KALRN: variants seen among roughly 807,000 people sequenced by gnomAD.
KALRN encodes the protein kalirin RhoGEF kinase.
A neutral mutation model predicts 353.7 loss-of-function variants in KALRN; 70 were observed. The ratio of observed to expected loss-of-function variants is 0.20; its 90% CI spans 0.16 to 0.24. The LOEUF (loss-of-function observed/expected upper bound fraction) is 0.24, where lower values mean the gene tolerates loss of function less well. KALRN is among the 10% of genes least tolerant of loss of function. KALRN has a pLI of 1.00. For synonymous variants in KALRN, 1,391 were observed against 1,434.8 expected, an observed-to-expected ratio of 0.97 and a Z score of 0.69; for missense variants, 2,791 against 3,756.7, an observed-to-expected ratio of 0.74 and a Z score of 6.72.
chr3:124,434,254 A>G (rs1268055114), intron 16 of KALRN, 53 bp from the exon 17 acceptor site: 4 of 1,468,734 alleles, frequency 2.7e-6, no homozygotes, highest in Admixed American at 1.7e-5. Context: ...ACCCCCTCCC[A>G]TACCACGCCT....
chr3:124,649,714 G>A (rs1016715965), intron 37 of KALRN, among the ~76,000 whole-genome samples: 11 of 151,978 alleles, frequency 7.2e-5, no homozygotes, highest in Admixed American at 7.2e-4. Flanking sequence ...CTTGAGCCTA[G>A]GAGGTCAAGG....
intron 1 of KALRN, among the ~76,000 whole-genome samples, chr3:124,128,157 A>G (rs1360429083): frequency 1.3e-5 from 2 of 152,142 alleles, no homozygotes; most frequent in African/African-American, 4.8e-5. Flanking sequence ...CCAACTCCCC[A>G]CCCTCAAGAA....
chr3:124,578,082 A>G (rs1561327208), intron 34 of KALRN, among the ~76,000 whole-genome samples: 1 of 152,226 alleles, frequency 6.6e-6, no homozygotes, highest in Non-Finnish European at 1.5e-5. Flanking sequence ...TCCACAGAAA[A>G]TTAAACCAAC....
chr3:124,376,831 G>A (rs1365293558), intron 10 of KALRN, among the ~76,000 whole-genome samples: 1 of 152,060 alleles, frequency 6.6e-6, no homozygotes, highest in Non-Finnish European at 1.5e-5. Flanking sequence ...GAATAGTTGA[G>A]ATAGAAAAGA....
chr3:124,440,596 T>G lies in KALRN; in HGVS notation c.3199-1349T>G, dbSNP rs139714755. The stretch of plus-strand genomic sequence containing the variant: ...TTATATAACCAGAAAATTATAAAAT[T>G]TTATAATTGTTTCTATTAATTATAT... On this transcript the variant is annotated intron_variant, in intron 18 of 59. Coordinates refer to ENST00000682506, the MANE Select transcript of KALRN (RefSeq NM_001388419.1). Among the ~76,000 whole-genome samples, 1,016 of 151,042 alleles carry G rather than the reference T, an allele frequency of 6.7e-3. 7 individuals are homozygous for G. The highest frequency in any genetic ancestry group is 0.027 in the Middle Eastern group (8 of 294).
intron 10 of KALRN, among the ~76,000 whole-genome samples, chr3:124,356,581 C>A (rs1055083180): frequency 6.6e-6 from 1 of 152,070 alleles, no homozygotes; most frequent in African/African-American, 2.4e-5. Context: ...TGATTGCCCA[C>A]CTTGGCCTCC....
chr3:124,285,711 T>A (rs990941471), intron 5 of KALRN, among the ~76,000 whole-genome samples: 1 of 152,116 alleles, frequency 6.6e-6, no homozygotes, highest in Non-Finnish European at 1.5e-5. Context: ...AATTTTTGTA[T>A]TTTTAGTAGA....
chr3:124,342,615 T>C (rs949096315), intron 9 of KALRN, among the ~76,000 whole-genome samples: 2 of 152,238 alleles, frequency 1.3e-5, no homozygotes, highest in Non-Finnish European at 2.9e-5. Flanking sequence ...TATTCCGTTT[T>C]ATTATTGGGA....
rs1182245356 is a variant in KALRN at position 124,062,061 on chromosome 3, A to G, written c.73+28248A>G. ...CCCTCCTTGCTGAATCACAATCTGC[A>G]TATTAAAAAAAGCCTCAGGCAATTT... On this transcript the variant is annotated intron_variant, in intron 1 of 59. Coordinates refer to ENST00000682506, the MANE Select transcript of KALRN (RefSeq NM_001388419.1). 2.6e-5 allele frequency among the ~76,000 whole-genome samples: 4 copies of G among 152,194 alleles called. No homozygotes were observed. The East Asian group carries it at 7.7e-4, about 29-fold the overall frequency.
intron 33 of KALRN, among the ~76,000 whole-genome samples, chr3:124,529,659 A>C (rs917829619): frequency 9.2e-5 from 14 of 152,136 alleles, no homozygotes; most frequent in African/African-American, 3.4e-4. Flanking sequence ...GGTCACTGAC[A>C]ATTCAAATAA....
chr3:124,346,181 A>G (rs1352728770), intron 9 of KALRN, among the ~76,000 whole-genome samples: 3 of 152,174 alleles, frequency 2.0e-5, no homozygotes, highest in Non-Finnish European at 4.4e-5. Context: ...AGATCAAAAG[A>G]TGATCTCTGG....
At chr3:124,083,673 T>G (rs2060655878) in intron 1 of KALRN, among the ~76,000 whole-genome samples, 1 of 152,230 alleles carries the variant, frequency 6.6e-6, no homozygotes. Flanking sequence ...CTTACACAAC[T>G]GTTAGAATTG....
At chr3:124,038,501 T>C (rs1165024308) in intron 1 of KALRN, among the ~76,000 whole-genome samples, 1 of 151,898 alleles carries the variant, frequency 6.6e-6, no homozygotes, top group Non-Finnish European at 1.5e-5. Flanking sequence ...CTAGAACGAG[T>C]GTAGAGTTTG....
chr3:124,594,697 TC>T (rs2076109903), intron 34 of KALRN, among the ~76,000 whole-genome samples: 1 of 152,190 alleles, frequency 6.6e-6, no homozygotes. Context: ...ACAGACTAAT[TC>T]TTGTCCTGGG....
Position 124,446,150 on chromosome 3 carries a change from T to G in KALRN, c.3314-11T>G. ...CCCCTTGTGACCATCATGCATCTCC[T>G]CTGCCCACAGCCATCCTGAGTGAGC... On this transcript the variant is annotated splice_polypyrimidine_tract_variant and intron_variant, in intron 19 of 59. Coordinates refer to ENST00000682506, the MANE Select transcript of KALRN (RefSeq NM_001388419.1). 6.2e-7 allele frequency: 1 copy of G among 1,600,488 alleles called. No individual in the cohort carries two copies. Among genetic ancestry groups the G allele is most frequent in the Non-Finnish European group, 8.6e-7 (1 of 1,168,296 alleles).
intron 57 of KALRN, among the ~76,000 whole-genome samples, 182 bp downstream of exon 57, chr3:124,702,298 A>G (rs907602237): frequency 2.0e-5 from 3 of 152,314 alleles, no homozygotes; most frequent in East Asian, 3.9e-4. Flanking sequence ...CTTAAGTTGG[A>G]TGCTTCATTC....
chr3:124,537,959 G>A (rs140976985), intron 33 of KALRN, among the ~76,000 whole-genome samples: 131 of 152,294 alleles, frequency 8.6e-4, no homozygotes, highest in African/African-American at 3.1e-3. Context: ...GTTTAGAAGA[G>A]GATAATATGG....
chr3:124,120,332 A>G (rs1301694619), intron 1 of KALRN, among the ~76,000 whole-genome samples: 1 of 152,114 alleles, frequency 6.6e-6, no homozygotes, highest in Non-Finnish European at 1.5e-5. Flanking sequence ...CTCTAATTCC[A>G]TTCTGGTTTT....
chr3:124,690,752 C>T (rs1275500913), intron 51 of KALRN, among the ~76,000 whole-genome samples: 1 of 152,170 alleles, frequency 6.6e-6, no homozygotes, highest in Admixed American at 6.5e-5. Context: ...TTTGGAGGAG[C>T]ACATGAAGGA....
Sources: gnomAD v4.1 joint callset for allele counts (sites outside exome capture counted in the v4.1 genomes callset) on GRCh38, gnomAD v4.1.1 for gene constraint, MANE v1.5 for transcripts, NCBI Gene and HGNC (gene_info 2026-07-23, HGNC 2026-07-21) for gene names.